Variants in NAV3 observed in about 807,000 individuals in gnomAD.
The protein encoded by NAV3 is pore membrane and/or filament interacting like protein 1.
Under a neutral mutation model 244.7 loss-of-function variants are expected in NAV3, and 87 were observed. That is an observed-to-expected ratio of 0.36 (90% CI 0.30 to 0.42). The LOEUF is 0.42. Among genes scored for constraint, NAV3 ranks in the 20% least tolerant of loss-of-function variants. The probability of loss-of-function intolerance (pLI) is 1.00; values close to 1 mark genes in which losing one functional copy is unlikely to be tolerated. For missense variants in NAV3, 2,663 were observed against 2,893.3 expected (o/e 0.92, Z 1.83); for synonymous variants, 1,126 against 1,042.2 (o/e 1.08, Z -1.55).
chr12:78,124,738 G>C (rs768748890), intron 16 of NAV3, among the ~76,000 whole-genome samples: 5 of 152,108 alleles, frequency 3.3e-5, no homozygotes, highest in Non-Finnish European at 5.9e-5. Context: ...ACAGGTGTGA[G>C]CCGTGGCACC....
At chr12:78,153,786 C>A (rs1461797819) in intron 22 of NAV3, among the ~76,000 whole-genome samples, 1 of 151,866 alleles carries the variant, frequency 6.6e-6, no homozygotes. Flanking sequence ...TGTTCTACTT[C>A]TTTGCTTATT....
chr12:77,899,045 G>A (rs1007408596), intron 1 of NAV3, among the ~76,000 whole-genome samples: 1 of 152,220 alleles, frequency 6.6e-6, no homozygotes, highest in East Asian at 1.9e-4. Flanking sequence ...AGTGGAGCCT[G>A]AAGATATGAC....
At chr12:78,008,052 T>C (rs1874546858) in intron 8 of NAV3, among the ~76,000 whole-genome samples, 1 of 152,200 alleles carries the variant, frequency 6.6e-6, no homozygotes, top group Non-Finnish European at 1.5e-5. Context: ...ATATAACATG[T>C]TTACTGTATA....
At chr12:77,944,515 T>G (rs575788839) in intron 3 of NAV3, among the ~76,000 whole-genome samples, 1 of 152,232 alleles carries the variant, frequency 6.6e-6, no homozygotes, top group African/African-American at 2.4e-5. Flanking sequence ...GATGAATTCA[T>G]ATTTTAACAT....
intron 2 of NAV3, among the ~76,000 whole-genome samples, chr12:77,611,780 G>T (rs943211089): frequency 2.0e-5 from 3 of 151,934 alleles, no homozygotes; most frequent in South Asian, 2.1e-4. Context: ...ATTGAGTATG[G>T]GTTATTAAGT....
At chr12:77,903,386 A>C (rs1156815045) in intron 1 of NAV3, among the ~76,000 whole-genome samples, 5 of 152,226 alleles carry the variant, frequency 3.3e-5, no homozygotes, top group Admixed American at 3.3e-4. Context: ...AAAAACAAGC[A>C]ATGGGGAAAG....
At chr12:78,068,944 G>A (rs369544204) in intron 12 of NAV3, among the ~76,000 whole-genome samples, 2 of 150,354 alleles carry the variant, frequency 1.3e-5, no homozygotes, top group Non-Finnish European at 3.0e-5. Flanking sequence ...GAAACACTTC[G>A]TTATTTTGCC....
At chr12:77,584,300 T>G (rs1251842693) in intron 2 of NAV3, among the ~76,000 whole-genome samples, 1 of 152,224 alleles carries the variant, frequency 6.6e-6, no homozygotes, top group African/African-American at 2.4e-5. Flanking sequence ...TAAAATACCA[T>G]TAATTCAGCA....
chr12:77,773,157 GACATTTTGTTTTTCACCAA>G (rs1419165426), intron 2 of NAV3, among the ~76,000 whole-genome samples: 1 of 151,816 alleles, frequency 6.6e-6, no homozygotes, highest in Non-Finnish European at 1.5e-5. Flanking sequence ...TAAACAATCA[GACATTTTGTTTTTCACCAA>G]AAGTGTTGAT....
At chr12:77,592,299 G>T (rs1174479097) in intron 2 of NAV3, among the ~76,000 whole-genome samples, 3 of 152,190 alleles carry the variant, frequency 2.0e-5, no homozygotes, top group Non-Finnish European at 4.4e-5. Context: ...AGGTACGTAT[G>T]TTCCTAATCT....
At chr12:78,181,164 T>C in intron 30 of NAV3, 119 bp downstream of exon 30, 1 of 870,230 alleles carries the variant, frequency 1.1e-6, no homozygotes, top group Non-Finnish European at 1.7e-6. Context: ...TTCTCAGAAA[T>C]AGTCCTAGTT....
chr12:77,866,883 C>G (rs1880127165), intron 1 of NAV3, among the ~76,000 whole-genome samples: 1 of 152,188 alleles, frequency 6.6e-6, no homozygotes, highest in African/African-American at 2.4e-5. Context: ...AATATACTTA[C>G]ATATACTTAC....
At chr12:78,172,420 A>G (rs955062911) in intron 24 of NAV3, among the ~76,000 whole-genome samples, 1 of 151,668 alleles carries the variant, frequency 6.6e-6, no homozygotes, top group East Asian at 1.9e-4. Flanking sequence ...AACAAAATAG[A>G]TACGGTCTTT....
At chr12:78,105,656 C>T (rs868853015) in intron 12 of NAV3, among the ~76,000 whole-genome samples, 1 of 151,928 alleles carries the variant, frequency 6.6e-6, no homozygotes, top group African/African-American at 2.4e-5. Flanking sequence ...TTTTCTATCA[C>T]ATTTTAGCAA....
In NAV3 at chr12:78,023,869, G is replaced by T. The variant is rs560377505; in HGVS notation, c.2023+2007G>T. On this transcript the variant is annotated intron_variant, in intron 9 of 39. Transcript: ENST00000397909. ...TTTTTAGTGATTTTAGTATCTACAC[G>T]GGTGTTCTTTCTAACACCTTGGCCT... 3.3e-5 allele frequency among the ~76,000 whole-genome samples: 5 copies of T among 151,952 alleles called. No individual in the cohort carries two copies. In the East Asian group the frequency reaches 9.7e-4, roughly 29 times the overall value.
intron 1 of NAV3, among the ~76,000 whole-genome samples, chr12:77,901,736 G>C (rs1295036192): frequency 6.6e-6 from 1 of 151,960 alleles, no homozygotes; most frequent in East Asian, 1.9e-4. Context: ...GAAAGGTAAG[G>C]GTCCAGTTTC....
intron 9 of NAV3, 78 bp from the exon 10 acceptor site, chr12:78,049,915 A>G: frequency 4.7e-6 from 4 of 854,686 alleles, no homozygotes; most frequent in Non-Finnish European, 7.5e-6. Flanking sequence ...AGAAGAGGTG[A>G]CTTAATTATC....
chr12:78,131,909 T>C (rs1361453651), intron 18 of NAV3, among the ~76,000 whole-genome samples: 1 of 152,202 alleles, frequency 6.6e-6, no homozygotes, highest in Admixed American at 6.5e-5. Flanking sequence ...GAGCTTTGTC[T>C]ACATTTAATT....
chr12:78,146,610 T>C (rs1956874513), intron 21 of NAV3, among the ~76,000 whole-genome samples: 1 of 152,146 alleles, frequency 6.6e-6, no homozygotes, highest in African/African-American at 2.4e-5. Context: ...ACATTCTAGA[T>C]TGAGTCTTAG....
Sources: allele counts gnomAD v4.1 joint callset (sites outside exome capture counted in the v4.1 genomes callset), GRCh38; gene constraint gnomAD v4.1.1; transcripts MANE v1.5; gene names NCBI Gene and HGNC (gene_info 2026-07-23, HGNC 2026-07-21).